ADGRG3: variants seen among roughly 807,000 people sequenced by gnomAD.
ADGRG3 encodes the protein G protein-coupled receptor 97.
A neutral mutation model predicts 54.3 loss-of-function variants in ADGRG3; 39 were observed. That is an observed-to-expected ratio of 0.72 (90% CI 0.56 to 0.94). The LOEUF (loss-of-function observed/expected upper bound fraction) is 0.94, where lower values mean the gene tolerates loss of function less well. ADGRG3 is among the 40% of genes least tolerant of loss of function. ADGRG3 has a pLI of 0.00. For synonymous variants in ADGRG3, 312 were observed against 290.0 expected, an observed-to-expected ratio of 1.08 and a Z score of -0.77; for missense variants, 654 against 694.6, an observed-to-expected ratio of 0.94 and a Z score of 0.66.
At chr16:57,674,829 C>G (rs142594479) in intron 2 of ADGRG3, among the ~76,000 whole-genome samples, 5 of 82,158 alleles carry the variant, frequency 6.1e-5, no homozygotes, top group African/African-American at 2.0e-4. Flanking sequence ...ACTGAAAATA[C>G]AAAAAAAAAA....
In ADGRG3 at chr16:57,679,827, C is replaced by T. The variant is rs369833187; in HGVS notation, c.639C>T (p.Leu213=). The change falls in exon 6 of 12, where the codon CTC becomes CTT. Residue 213 remains leucine, a synonymous_variant. Transcript: ENST00000333493. ...CTCTTCGGTTTCAGAACATGACCCT[C>T]ACCTGTGTATTCTGGGATGTGACTA... ...SHQRPPPNMT[L]TCVFWDVTKG... is the part of the protein sequence containing the mutation. The T allele has an allele frequency of 7.9e-5, 128 of 1,613,206 alleles. 1 individual carries two copies. In the South Asian group the frequency reaches 1.3e-3, roughly 17 times the overall value.
chr16:57,678,817 G>A (rs2048311069), intron 4 of ADGRG3: 2 of 345,092 alleles, frequency 5.8e-6, no homozygotes, highest in South Asian at 6.8e-5. Context: ...TCTACCGAAT[G>A]CACACTCACG....
Position 57,686,451 on chromosome 16 carries a change from C to T in ADGRG3, c.1540+525C>T, listed in dbSNP as rs563328355. On this transcript the variant is annotated intron_variant, in intron 11 of 11. Transcript: ENST00000333493. ...TCCAATCTCCTCCCCTCAGGCCCCA[C>T]CTCCAACATTGGGAATCACATTTGG... Among the ~76,000 whole-genome samples the T allele has an allele frequency of 6.6e-5, 10 of 152,318 alleles. No individual in the cohort carries two copies. In the East Asian group the frequency reaches 1.7e-3, roughly 26 times the overall value.
intron 11 of ADGRG3, 27 bp from the exon 12 acceptor site, chr16:57,688,325 C>T (rs758308992): frequency 6.9e-7 from 1 of 1,456,876 alleles, no homozygotes; most frequent in Non-Finnish European, 9.6e-7. Flanking sequence ...CCTTTCCAGG[C>T]TCACCGAGGC....
At chr16:57,676,072 T>C in intron 2 of ADGRG3, 128 bp from the exon 3 acceptor site, 1 of 779,280 alleles carries the variant, frequency 1.3e-6, no homozygotes, top group Non-Finnish European at 2.0e-6. Flanking sequence ...GCCACTTTTC[T>C]TCCTCCTGTC....
chr16:57,668,355 C>T lies in ADGRG3; in HGVS notation c.8C>T (p.Thr3Met), dbSNP rs768416571. 9.2e-5 allele frequency: 144 copies of T among 1,572,636 alleles called. No homozygotes were observed. In the East Asian group the frequency reaches 1.1e-3, roughly 12 times the overall value. ...GGGCAAGGCTGGCCAAGGATGGCGACGCCCAGGGGCCTGGGGGCCCTGCTC... is the reference window on the plus strand; with the variant it reads ...GGGCAAGGCTGGCCAAGGATGGCGATGCCCAGGGGCCTGGGGGCCCTGCTC... MA[T>M]PRGLGALLLL... Residue 3 changes from threonine to methionine, a missense_variant, in exon 1 of 12, where the codon ACG becomes ATG. By Grantham distance (81) the Thr-to-Met change is moderately conservative. Transcript: ENST00000333493.
At position 57,676,358 on chromosome 16, in the gene ADGRG3, T is replaced by A; in HGVS notation, c.345+20T>A. 1 of 1,610,254 alleles carries A rather than the reference T, an allele frequency of 6.2e-7. No individual in the cohort carries two copies. The highest frequency in any genetic ancestry group is 8.5e-7 in the Non-Finnish European group (1 of 1,176,976). Reference sequence around the variant, plus strand: ...TCTCAGGTGAAGAGCTCCCCAGCCCTCTTGGCTGGTTCGGACCCTATTTTT... The same window carrying A: ...TCTCAGGTGAAGAGCTCCCCAGCCCACTTGGCTGGTTCGGACCCTATTTTT... On this transcript the variant is annotated intron_variant, in intron 3 of 11. Transcript: ENST00000333493.
chr16:57,679,829 C>A lies in ADGRG3; in HGVS notation c.641C>A (p.Thr214Asn), dbSNP rs769065087. Residue 214 changes from threonine to asparagine, a missense_variant, in exon 6 of 12, where the codon ACC (threonine) becomes AAC (asparagine). Thr to Asn is a moderately conservative substitution (Grantham distance 65). Coordinates refer to ENST00000333493, the MANE Select transcript of ADGRG3 (RefSeq NM_170776.5). ...HQRPPPNMTLTCVFWDVTKGT... is the reference protein window; with the variant it reads ...HQRPPPNMTLNCVFWDVTKGT... ...CTTCGGTTTCAGAACATGACCCTCA[C>A]CTGTGTATTCTGGGATGTGACTAAA... 216 of 1,612,782 alleles carry A rather than the reference C, an allele frequency of 1.3e-4. No individual in the cohort carries two copies. The highest frequency in any genetic ancestry group is 1.8e-4 in the Non-Finnish European group (209 of 1,179,066).
intron 10 of ADGRG3, among the ~76,000 whole-genome samples, chr16:57,685,284 C>T (rs1366845632): frequency 1.3e-5 from 2 of 152,182 alleles, no homozygotes; most frequent in African/African-American, 4.8e-5. Flanking sequence ...ATCTAATTAG[C>T]GGTCAGTTAC....
upstream of ADGRG3, chr16:57,668,181 C>T (rs529257525): frequency 4.8e-6 from 3 of 619,980 alleles, no homozygotes; most frequent in African/African-American, 5.5e-5. Flanking sequence ...CCCACACTCA[C>T]CTTTCACAAC....
intron 11 of ADGRG3, among the ~76,000 whole-genome samples, chr16:57,687,904 T>C (rs1198719513): frequency 6.6e-6 from 1 of 152,242 alleles, no homozygotes; most frequent in African/African-American, 2.4e-5. Flanking sequence ...TGAACTCTTC[T>C]CAATATTTGT....
intron 1 of ADGRG3, among the ~76,000 whole-genome samples, chr16:57,671,074 A>G (rs2048148234): frequency 6.6e-6 from 1 of 151,800 alleles, no homozygotes. Flanking sequence ...ACAACAAAGC[A>G]CTTCAGAGTA....
intron 1 of ADGRG3, among the ~76,000 whole-genome samples, chr16:57,671,945 G>A (rs1403908725): frequency 1.3e-5 from 2 of 152,162 alleles, no homozygotes; most frequent in Admixed American, 6.5e-5. Flanking sequence ...GATCGCTTGA[G>A]CCCAGGGGTT....
intron 2 of ADGRG3, among the ~76,000 whole-genome samples, chr16:57,674,268 A>G (rs2048217460): frequency 6.6e-6 from 1 of 152,030 alleles, no homozygotes; most frequent in South Asian, 2.1e-4. Flanking sequence ...TGGATTGGGG[A>G]GATGATACGA....
intron 8 of ADGRG3, chr16:57,682,663 C>T (rs1376597162): frequency 1.0e-6 from 1 of 980,806 alleles, no homozygotes; most frequent in Non-Finnish European, 1.2e-6. Flanking sequence ...CTCCAGGAAG[C>T]CCCCGGCTCC....
At chr16:57,669,384 T>G (rs1352876486) in intron 1 of ADGRG3, among the ~76,000 whole-genome samples, 1 of 152,168 alleles carries the variant, frequency 6.6e-6, no homozygotes, top group Non-Finnish European at 1.5e-5. Flanking sequence ...AGCACTGTCC[T>G]CCTAGTGGCC....
chr16:57,679,918 G>A (rs1281093686), intron 6 of ADGRG3, 63 bp downstream of exon 6: 1 of 1,342,436 alleles, frequency 7.4e-7, no homozygotes, highest in Non-Finnish European at 1.1e-6. Context: ...TGCATTGTGG[G>A]GCGGGGCTAG....
chr16:57,674,395 T>C (rs1323675146), intron 2 of ADGRG3, among the ~76,000 whole-genome samples: 4 of 152,208 alleles, frequency 2.6e-5, no homozygotes, highest in Admixed American at 6.5e-5. Context: ...TCTTTCCTTT[T>C]CCCACTCCTA....
intron 1 of ADGRG3, among the ~76,000 whole-genome samples, chr16:57,671,629 T>C (rs546507807): frequency 1.3e-3 from 198 of 152,196 alleles, no homozygotes; most frequent in African/African-American, 4.5e-3. Context: ...GTCACCGCAC[T>C]CAGCCTTCCT....
Sources: allele counts gnomAD v4.1 joint callset (sites outside exome capture counted in the v4.1 genomes callset), GRCh38; gene constraint gnomAD v4.1.1; transcripts MANE v1.5; gene names NCBI Gene and HGNC (gene_info 2026-07-23, HGNC 2026-07-21).